RALYL: variants seen among roughly 807,000 people sequenced by gnomAD.
RALYL encodes RALY RNA binding protein like.
In RALYL, 29 loss-of-function variants were observed where a neutral mutation model predicts 35.1. The ratio of observed to expected loss-of-function variants is 0.83; its 90% CI spans 0.61 to 1.13. The LOEUF is 1.13. Ranked by LOEUF, RALYL falls within the 50% of genes most tolerant of loss-of-function variation. The probability of loss-of-function intolerance (pLI) is 0.00; values close to 1 mark genes in which losing one functional copy is unlikely to be tolerated. For synonymous variants in RALYL, 120 were observed against 127.6 expected (o/e 0.94, Z 0.40); for missense variants, 359 against 360.4 (o/e 1.00, Z 0.03).
intron 1 of RALYL, among the ~76,000 whole-genome samples, chr8:84,454,581 A>G (rs2049920601): frequency 6.6e-6 from 1 of 152,080 alleles, no homozygotes; most frequent in African/African-American, 2.4e-5. Context: ...TAAAACTACG[A>G]GCTAGGGGCC....
At chr8:84,386,562 A>G (rs1237318721) in intron 1 of RALYL, among the ~76,000 whole-genome samples, 1 of 151,816 alleles carries the variant, frequency 6.6e-6, no homozygotes, top group East Asian at 1.9e-4. Flanking sequence ...TGTTTTGAAG[A>G]TAAGGACACT....
At chr8:84,510,063 T>A (rs1045581380) in intron 1 of RALYL, among the ~76,000 whole-genome samples, 4 of 152,214 alleles carry the variant, frequency 2.6e-5, no homozygotes, top group Non-Finnish European at 4.4e-5. Context: ...GAATTTTTAT[T>A]GAGATTGCAT....
At chr8:84,768,801 A>G (rs1814720339) in intron 2 of RALYL, among the ~76,000 whole-genome samples, 1 of 152,230 alleles carries the variant, frequency 6.6e-6, no homozygotes, top group Admixed American at 6.5e-5. Context: ...CTGCATTTGA[A>G]CACGTTTCAT....
chr8:84,622,003 T>C (rs1220762888), intron 2 of RALYL, among the ~76,000 whole-genome samples: 1 of 152,222 alleles, frequency 6.6e-6, no homozygotes, highest in Non-Finnish European at 1.5e-5. Flanking sequence ...AAGTTACATC[T>C]GCATAATGAA....
At chr8:84,547,190 T>C (rs770167495) in intron 2 of RALYL, among the ~76,000 whole-genome samples, 1 of 151,830 alleles carries the variant, frequency 6.6e-6, no homozygotes, top group South Asian at 2.1e-4. Context: ...CTCCCACTTA[T>C]TTTTAAACAT....
chr8:84,489,814 C>T (rs2055061789), intron 1 of RALYL, among the ~76,000 whole-genome samples: 2 of 151,864 alleles, frequency 1.3e-5, no homozygotes, highest in South Asian at 2.1e-4. Flanking sequence ...CACAGAAAGA[C>T]CCAAAGTGCA....
chr8:84,321,261 C>T (rs60747099), intron 1 of RALYL, among the ~76,000 whole-genome samples: 6,958 of 152,124 alleles, frequency 0.046, 523 homozygotes, highest in African/African-American at 0.15. Context: ...TAATTCCTGA[C>T]TTTACCATAA....
chr8:84,593,504 T>G (rs1161348586), intron 2 of RALYL, among the ~76,000 whole-genome samples: 2 of 152,096 alleles, frequency 1.3e-5, no homozygotes, highest in African/African-American at 4.8e-5. Context: ...CACAGGCTTT[T>G]TGCATTTAAC....
At chr8:84,805,868 G>T (rs1472748871) in intron 4 of RALYL, among the ~76,000 whole-genome samples, 1 of 152,066 alleles carries the variant, frequency 6.6e-6, no homozygotes, top group East Asian at 1.9e-4. Context: ...TATTATAGAT[G>T]ATATTGTATG....
chr8:84,530,500 A>G (rs1028034024), intron 2 of RALYL, among the ~76,000 whole-genome samples: 1 of 152,008 alleles, frequency 6.6e-6, no homozygotes. Flanking sequence ...AAAAAAAAAA[A>G]AACTTTGATT....
intron 2 of RALYL, among the ~76,000 whole-genome samples, chr8:84,663,196 G>A (rs1035117164): frequency 2.0e-5 from 3 of 152,078 alleles, no homozygotes; most frequent in African/African-American, 4.8e-5. Context: ...CTATTCCATG[G>A]TATATATGTA....
intron 3 of RALYL, among the ~76,000 whole-genome samples, chr8:84,778,426 A>G (rs943357512): frequency 6.6e-6 from 1 of 152,218 alleles, no homozygotes; most frequent in African/African-American, 2.4e-5. Flanking sequence ...AAACAGTGAG[A>G]CTTCAAAAAG....
At position 84,853,417 on chromosome 8, in the gene RALYL, A is replaced by G. The variant is rs181566895; in HGVS notation, c.413+3390A>G. Among the ~76,000 whole-genome samples the G allele has an allele frequency of 2.0e-3, 308 of 152,374 alleles. 3 individuals carry two copies. Among genetic ancestry groups the G allele is most frequent in the African/African-American group, 7.1e-3 (294 of 41,596 alleles). ...ACAGATAGATAGATAGATAATCAAT[A>G]GATCCATCTTACTTGCCAAAGAACA... On this transcript the variant is annotated intron_variant, in intron 5 of 8. Coordinates refer to ENST00000521268, the MANE Select transcript of RALYL (RefSeq NM_173848.7).
Position 84,704,644 on chromosome 8 carries a change from A to AGACACT in RALYL, c.257-69931_257-69926dup, listed in dbSNP as rs1277624257. Among the ~76,000 whole-genome samples, 7 of 152,212 alleles carry AGACACT rather than the reference A, an allele frequency of 4.6e-5. No individual in the cohort carries two copies. In the South Asian group the frequency reaches 1.2e-3, roughly 27 times the overall value. On this transcript the variant is annotated intron_variant, in intron 2 of 8. Transcript: ENST00000521268. ...ACAGCAGTGGAATGTACAGTAATGC[A>AGACACT]GACACTGACTATGCCCTAAAGCAAG...
At chr8:84,867,464 T>A (rs1839381151) in intron 6 of RALYL, among the ~76,000 whole-genome samples, 1 of 152,238 alleles carries the variant, frequency 6.6e-6, no homozygotes, top group Non-Finnish European at 1.5e-5. Context: ...GTCATACATT[T>A]TATATTTGAC....
chr8:84,694,234 C>T (rs754322795), intron 2 of RALYL, among the ~76,000 whole-genome samples: 1 of 151,902 alleles, frequency 6.6e-6, no homozygotes, highest in Non-Finnish European at 1.5e-5. Context: ...AAATCTGATT[C>T]ATATCAGTCC....
chr8:84,808,712 T>C (rs754750062), intron 4 of RALYL, among the ~76,000 whole-genome samples: 2 of 152,156 alleles, frequency 1.3e-5, no homozygotes, highest in Non-Finnish European at 2.9e-5. Context: ...CTTGTAGAGG[T>C]CTTTTGACTC....
chr8:84,515,364 G>A (rs1465243661), intron 1 of RALYL, among the ~76,000 whole-genome samples: 1 of 152,050 alleles, frequency 6.6e-6, no homozygotes, highest in Non-Finnish European at 1.5e-5. Flanking sequence ...TTTTTGCGTG[G>A]AGGAATGTTA....
At chr8:84,599,362 T>A (rs1029363139) in intron 2 of RALYL, among the ~76,000 whole-genome samples, 8 of 152,040 alleles carry the variant, frequency 5.3e-5, no homozygotes, top group Admixed American at 4.6e-4. Context: ...CACTTTGTAC[T>A]TCTTAAGTAT....
Sources: gnomAD v4.1 joint callset for allele counts (sites outside exome capture counted in the v4.1 genomes callset) on GRCh38, gnomAD v4.1.1 for gene constraint, MANE v1.5 for transcripts, NCBI Gene and HGNC (gene_info 2026-07-23, HGNC 2026-07-21) for gene names.